PTPRG: variants seen among roughly 807,000 people sequenced by gnomAD.
The protein encoded by PTPRG is protein tyrosine phosphatase receptor type G, also known as receptor-type tyrosine-protein phosphatase gamma.
In PTPRG, 102 loss-of-function variants were observed where a neutral mutation model predicts 165.3. That is an observed-to-expected ratio of 0.62 (90% CI 0.53 to 0.73). The LOEUF (loss-of-function observed/expected upper bound fraction) is 0.73, where lower values mean the gene tolerates loss of function less well. Among genes scored for constraint, PTPRG ranks in the 30% least tolerant of loss-of-function variants. The pLI is 0.00. For missense variants in PTPRG, 1,866 were observed against 1,861.4 expected, an observed-to-expected ratio of 1.00 and a Z score of -0.05; for synonymous variants, 675 against 669.5, an observed-to-expected ratio of 1.01 and a Z score of -0.13.
At chr3:61,854,961 T>A (rs942995584) in intron 2 of PTPRG, among the ~76,000 whole-genome samples, 7 of 152,222 alleles carry the variant, frequency 4.6e-5, no homozygotes, top group Non-Finnish European at 1.0e-4. Flanking sequence ...TTTGCATTAA[T>A]TTTTCTAGTA....
intron 1 of PTPRG, among the ~76,000 whole-genome samples, chr3:61,712,675 G>C (rs989084517): frequency 6.6e-6 from 1 of 152,142 alleles, no homozygotes. Context: ...CTCCCCAGCC[G>C]TGCGGTACTG....
rs936487175 is a variant in PTPRG at position 62,281,621 on chromosome 3, T to G, written c.3824T>G (p.Phe1275Cys). ...GAAGAATCCATGAACTGTGAGGCCT[T>G]TACCGTCACCCTTATCAGCAAAGAC... is the stretch of plus-strand genomic sequence containing the variant. ...SREESMNCEA[F>C]TVTLISKDRL... The change falls in exon 27 of 30, where the codon TTT (phenylalanine) becomes TGT (cysteine). Residue 1275 changes from phenylalanine (F) to cysteine (C), a missense_variant. Around this residue, in one of 3 missense-constraint regions of PTPRG, gnomAD observed 1,452 missense variants for 1,463.0 expected, o/e 0.99. Coordinates refer to ENST00000474889, the MANE Select transcript of PTPRG (RefSeq NM_002841.4). 20 of 1,581,172 alleles carry G rather than the reference T, an allele frequency of 1.3e-5. No homozygotes were observed. Among genetic ancestry groups the G allele is most frequent in the Non-Finnish European group, 1.7e-5 (20 of 1,162,760 alleles).
At chr3:62,194,739 G>A (rs1315071823) in intron 9 of PTPRG, among the ~76,000 whole-genome samples, 1 of 152,058 alleles carries the variant, frequency 6.6e-6, no homozygotes, top group Non-Finnish European at 1.5e-5. Flanking sequence ...GGAGACGGAA[G>A]TTGCAGCGAG....
At chr3:61,944,889 C>G (rs760667169) in intron 2 of PTPRG, among the ~76,000 whole-genome samples, 2 of 152,158 alleles carry the variant, frequency 1.3e-5, no homozygotes, top group Non-Finnish European at 2.9e-5. Flanking sequence ...CCCACCTGCA[C>G]CTGGACTGAA....
chr3:61,716,870 G>A (rs2106772786), intron 1 of PTPRG, among the ~76,000 whole-genome samples: 1 of 152,282 alleles, frequency 6.6e-6, no homozygotes, highest in South Asian at 2.1e-4. Flanking sequence ...TACTCAGGAG[G>A]CTGAGGCAGG....
At chr3:61,680,745 T>TGAG in intron 1 of PTPRG, among the ~76,000 whole-genome samples, 3 of 136,610 alleles carry the variant, frequency 2.2e-5, no homozygotes, top group South Asian at 4.7e-4. Context: ...TCAGGTGTGG[T>TGAG]ACAGGTTGCA....
chr3:61,736,589 A>G (rs2032733505), intron 1 of PTPRG, among the ~76,000 whole-genome samples: 1 of 152,206 alleles, frequency 6.6e-6, no homozygotes, highest in African/African-American at 2.4e-5. Context: ...CATTTGACCA[A>G]GTAAATATAA....
intron 1 of PTPRG, among the ~76,000 whole-genome samples, chr3:61,709,561 C>T (rs972238302): frequency 2.0e-5 from 3 of 152,156 alleles, no homozygotes; most frequent in African/African-American, 7.2e-5. Context: ...GTGATCTGCC[C>T]TCCTTGGCCT....
rs368306620 is a variant in PTPRG at position 62,108,084 on chromosome 3, T to G, written c.616-24518T>G. 1.5e-3 allele frequency among the ~76,000 whole-genome samples: 227 copies of G among 152,158 alleles called. 3 individuals are homozygous for G. Among genetic ancestry groups the G allele is most frequent in the South Asian group, 0.012 (56 of 4,810 alleles). On this transcript the variant is annotated intron_variant, in intron 5 of 29. Transcript: ENST00000474889. ...ATTATTATTAAAGTTCTGGGTTACA[T>G]GTGCAGAATGTGCAGGTTTGTTACA...
At chr3:61,604,132 T>A (rs1196198503) in intron 1 of PTPRG, among the ~76,000 whole-genome samples, 1 of 152,186 alleles carries the variant, frequency 6.6e-6, no homozygotes, top group Non-Finnish European at 1.5e-5. Context: ...AAGACCTGTC[T>A]GGCCAACATG....
At chr3:61,679,351 A>G (rs991254293) in intron 1 of PTPRG, among the ~76,000 whole-genome samples, 41 of 152,222 alleles carry the variant, frequency 2.7e-4, no homozygotes, top group Non-Finnish European at 5.1e-4. Flanking sequence ...GCTCAGTTTC[A>G]GAGGACTTGG....
At chr3:62,045,389 C>T (rs982911080) in intron 4 of PTPRG, among the ~76,000 whole-genome samples, 1 of 152,154 alleles carries the variant, frequency 6.6e-6, no homozygotes, top group South Asian at 2.1e-4. Flanking sequence ...AAGCTGGTGT[C>T]GAGTTAGCTG....
In PTPRG at chr3:61,698,423, G is replaced by A. The variant is rs567554081; in HGVS notation, c.86-50455G>A. On this transcript the variant is annotated intron_variant, in intron 1 of 29. Transcript: ENST00000474889. ...ATAGATAATGCATAAGTGAATGGGT[G>A]TGGCTTTGTTCCAATAAAACTTTAT... Among the ~76,000 whole-genome samples the A allele has an allele frequency of 1.1e-4, 16 of 152,246 alleles. No individual in the cohort carries two copies. The South Asian group carries it at 3.3e-3, about 32-fold the overall frequency.
rs138942684 is a variant in PTPRG at position 61,937,032 on chromosome 3, C to A, written c.191-52593C>A. On this transcript the variant is annotated intron_variant, in intron 2 of 29. Coordinates refer to ENST00000474889, the MANE Select transcript of PTPRG (RefSeq NM_002841.4). ...CAGAGGAGGCTTTTTTTTGAGACAT[C>A]CCTCGGGGATGCTATGAACTAAAAT... Among the ~76,000 whole-genome samples, 199 of 152,210 alleles carry A rather than the reference C, an allele frequency of 1.3e-3. 1 individual carries two copies. Among genetic ancestry groups the A allele is most frequent in the African/African-American group, 4.7e-3 (194 of 41,550 alleles).
chr3:62,175,717 A>T (rs141856988), intron 8 of PTPRG, among the ~76,000 whole-genome samples: 1 of 152,218 alleles, frequency 6.6e-6, no homozygotes, highest in Non-Finnish European at 1.5e-5. Context: ...ATGGGCTTCA[A>T]TGTTGTCCCA....
intron 1 of PTPRG, among the ~76,000 whole-genome samples, chr3:61,582,935 T>C: frequency 6.6e-6 from 1 of 152,166 alleles, no homozygotes; most frequent in East Asian, 1.9e-4. Context: ...AGATCCCAAG[T>C]GTTCAGGAGC....
In PTPRG at chr3:61,919,863, C is replaced by T. The variant is rs182256998; in HGVS notation, c.191-69762C>T. On this transcript the variant is annotated intron_variant, in intron 2 of 29. Transcript: ENST00000474889. ...TCTGCAGCTAAGAAGCCTGTCCTTA[C>T]AAAAGGCGAACAGTCCAGTCGTGGG... 4.6e-5 allele frequency among the ~76,000 whole-genome samples: 7 copies of T among 152,304 alleles called. No individual in the cohort carries two copies. The South Asian group carries it at 8.3e-4, about 18-fold the overall frequency.
At chr3:61,741,628 T>TG (rs368847263) in intron 1 of PTPRG, among the ~76,000 whole-genome samples, 2 of 152,348 alleles carry the variant, frequency 1.3e-5, no homozygotes, top group African/African-American at 4.8e-5. Context: ...ATCACAGACT[T>TG]ACTCTGCTTT....
chr3:62,261,787 G>C (rs1701706522), intron 16 of PTPRG: 1 of 151,830 alleles, frequency 6.6e-6, no homozygotes, highest in Admixed American at 6.6e-5. Context: ...TTCTCCCTGG[G>C]GAAGTACTTT....
Sources: gnomAD v4.1 joint callset for allele counts (sites outside exome capture counted in the v4.1 genomes callset) on GRCh38, gnomAD v4.1.1 for gene constraint, gnomAD v4.1.1 regional missense constraint, MANE v1.5 for transcripts, NCBI Gene and HGNC (gene_info 2026-07-23, HGNC 2026-07-21) for gene names.